Variants in PCDH15 observed in about 807,000 individuals in gnomAD.
PCDH15 encodes the protein protocadherin-15.
In PCDH15, 129 loss-of-function variants were observed where a neutral mutation model predicts 178.5. That is an observed-to-expected ratio of 0.72 (90% CI 0.63 to 0.84). PCDH15 has a LOEUF of 0.84. Among genes scored for constraint, PCDH15 ranks in the 40% least tolerant of loss-of-function variants. The probability of loss-of-function intolerance (pLI) is 0.00; values close to 1 mark genes in which losing one functional copy is unlikely to be tolerated. For synonymous variants in PCDH15, 800 were observed against 732.0 expected (o/e 1.09, Z -1.50); for missense variants, 2,230 against 2,099.9 (o/e 1.06, Z -1.21).
rs80232675 is a variant in PCDH15 at position 55,472,958 on chromosome 10, A to G, written c.-156+154667T>C. Among the ~76,000 whole-genome samples, 716 of 152,306 alleles carry G rather than the reference A, an allele frequency of 4.7e-3. 6 individuals carry two copies. Among genetic ancestry groups the G allele is most frequent in the African/African-American group, 0.016 (682 of 41,576 alleles). On this transcript the variant is annotated intron_variant, in intron 2 of 5. Transcript: ENST00000613346. ...TTGAAAAATACTCAATGTCAGATGT[A>G]CTTTTATGGGATTTTGTTTTTATAC... is the stretch of plus-strand genomic sequence containing the variant.
intron 15 of PCDH15, among the ~76,000 whole-genome samples, chr10:54,111,903 G>C (rs1024258442): frequency 4.7e-5 from 7 of 147,834 alleles, no homozygotes; most frequent in Non-Finnish European, 1.0e-4. Context: ...AAGGCAGGTA[G>C]ATCACTTGAG....
At chr10:55,237,732 T>A (rs562669076) in intron 1 of PCDH15, among the ~76,000 whole-genome samples, 1 of 152,116 alleles carries the variant, frequency 6.6e-6, no homozygotes, top group Non-Finnish European at 1.5e-5. Flanking sequence ...TTTTTTCCTC[T>A]GAAATGTTAT....
intron 13 of PCDH15, among the ~76,000 whole-genome samples, chr10:54,168,256 C>A (rs1001835807): frequency 1.3e-5 from 2 of 151,920 alleles, no homozygotes; most frequent in South Asian, 2.1e-4. Flanking sequence ...AGGTGCCTGA[C>A]GTCCAGGCAT....
chr10:54,866,763 A>T (rs972276387), intron 3 of PCDH15, among the ~76,000 whole-genome samples: 4 of 138,956 alleles, frequency 2.9e-5, no homozygotes, highest in Non-Finnish European at 4.6e-5. Context: ...TAAATAGAAT[A>T]AAAAATGCAA....
intron 26 of PCDH15, among the ~76,000 whole-genome samples, chr10:53,897,928 T>C (rs1232176894): frequency 6.6e-6 from 1 of 151,382 alleles, no homozygotes; most frequent in Non-Finnish European, 1.5e-5. Context: ...TTCATTCATC[T>C]ATAGATGAAC....
At position 53,804,318 on chromosome 10, in the gene PCDH15, A is replaced by ACAT. The variant is rs1352736598; in HGVS notation, c.*2258_*2260dup. 1 of 152,000 alleles carries ACAT rather than the reference A, an allele frequency of 6.6e-6. No homozygotes were observed. The highest frequency in any genetic ancestry group is 1.9e-4 in the East Asian group (1 of 5,198). 9.4% of individuals were successfully genotyped at this position (152,000 alleles called of 1,614,324 possible). The stretch of plus-strand genomic sequence containing the variant: ...AAAAAATGTAGTTTAAAATACAGTG[A>ACAT]CATCTCATATGTCAGGCCACTAGAC... On this transcript the variant is annotated 3_prime_UTR_variant, in exon 38 of 38. Coordinates refer to ENST00000644397, the MANE Select transcript of PCDH15 (RefSeq NM_001384140.1).
At chr10:54,167,881 TTCTGTGCCCCGACCTCTTATC>T (rs1363401068) in intron 13 of PCDH15, among the ~76,000 whole-genome samples, 1 of 151,052 alleles carries the variant, frequency 6.6e-6, no homozygotes, top group African/African-American at 2.4e-5. Context: ...CATCCCTTAT[TTCTGTGCCCCGACCTCTTATC>T]TCTGTGCCCC....
intron 15 of PCDH15, among the ~76,000 whole-genome samples, chr10:54,129,113 AATAATG>A (rs2042216085): frequency 6.6e-6 from 1 of 152,164 alleles, no homozygotes; most frequent in Admixed American, 6.6e-5. Flanking sequence ...TTTTCCCGAT[AATAATG>A]ATAATAAGAT....
intron 2 of PCDH15, among the ~76,000 whole-genome samples, chr10:54,599,061 T>A (rs1422515754): frequency 6.6e-6 from 1 of 152,096 alleles, no homozygotes; most frequent in African/African-American, 2.4e-5. Flanking sequence ...CCAAAGCAAT[T>A]TGTACATAAA....
At chr10:54,413,289 G>A (rs978684651) in intron 3 of PCDH15, among the ~76,000 whole-genome samples, 4 of 152,094 alleles carry the variant, frequency 2.6e-5, no homozygotes, top group African/African-American at 9.7e-5. Context: ...GTGATTGTTG[G>A]TTTGTGAATC....
intron 2 of PCDH15, among the ~76,000 whole-genome samples, chr10:55,074,067 A>T (rs1841819562): frequency 6.6e-6 from 1 of 152,144 alleles, no homozygotes. Context: ...GCTGCATAGT[A>T]TTCCATGGTA....
chr10:54,536,600 G>A (rs2084554641), intron 2 of PCDH15, among the ~76,000 whole-genome samples: 1 of 152,130 alleles, frequency 6.6e-6, no homozygotes, highest in Non-Finnish European at 1.5e-5. Flanking sequence ...ATCAGGTAAT[G>A]AGCACAGCAC....
At chr10:53,968,631 C>T (rs549624582) in intron 21 of PCDH15, among the ~76,000 whole-genome samples, 17 of 152,238 alleles carry the variant, frequency 1.1e-4, no homozygotes, top group Admixed American at 2.0e-4. Context: ...CTCATATAGC[C>T]GGACGCCACT....
rs1312343947 is a variant in PCDH15, at chr10:54,667,382, G to A, written c.-28-3092C>T. Among the ~76,000 whole-genome samples the A allele has an allele frequency of 2.0e-5, 3 of 151,982 alleles. No individual in the cohort carries two copies. In the East Asian group the frequency reaches 5.8e-4, roughly 29 times the overall value. ...ATAATGAAAAGGTACCTCCCACAAA[G>A]AGATTGTGTAAATGACTACAGGACC... On this transcript the variant is annotated intron_variant, in intron 1 of 37. Coordinates refer to ENST00000644397, the MANE Select transcript of PCDH15 (RefSeq NM_001384140.1).
chr10:54,314,188 A>G (rs1417742325), intron 8 of PCDH15, among the ~76,000 whole-genome samples: 1 of 151,868 alleles, frequency 6.6e-6, no homozygotes, highest in Admixed American at 6.6e-5. Flanking sequence ...CCAAATTTGT[A>G]TGGGGATGAT....
intron 2 of PCDH15, among the ~76,000 whole-genome samples, chr10:55,614,175 T>C (rs1341957146): frequency 1.3e-5 from 2 of 152,058 alleles, no homozygotes; most frequent in Non-Finnish European, 1.5e-5. Flanking sequence ...TAAATTTTAC[T>C]TTAGGTTTGA....
chr10:55,244,532 A>C (rs12768740), intron 1 of PCDH15, among the ~76,000 whole-genome samples: 25,293 of 151,832 alleles, frequency 0.17, 2,168 homozygotes, highest in South Asian at 0.19. Flanking sequence ...TGCAGTCTTC[A>C]CAGTTTTCTG....
chr10:53,953,575 C>G (rs1262386455), intron 23 of PCDH15, among the ~76,000 whole-genome samples: 1 of 151,714 alleles, frequency 6.6e-6, no homozygotes, highest in East Asian at 1.9e-4. Context: ...AAAAAAAAAT[C>G]AAATCTTTTC....
intron 35 of PCDH15, among the ~76,000 whole-genome samples, chr10:53,814,690 G>A (rs2075997556): frequency 6.6e-6 from 1 of 152,128 alleles, no homozygotes; most frequent in Non-Finnish European, 1.5e-5. Context: ...AAGAGCCCGG[G>A]TGCGGTGGCT....
Sources: allele counts gnomAD v4.1 joint callset (sites outside exome capture counted in the v4.1 genomes callset), GRCh38; gene constraint gnomAD v4.1.1; transcripts MANE v1.5; gene names NCBI Gene and HGNC (gene_info 2026-07-23, HGNC 2026-07-21).